Variants in TRMT6 observed in about 807,000 individuals in gnomAD.
TRMT6 encodes the protein tRNA (adenine(58)-N(1))-methyltransferase non-catalytic subunit TRM6.
A neutral mutation model predicts 59.0 loss-of-function variants in TRMT6; 34 were observed. The observed-to-expected ratio is 0.58, with a 90% CI of 0.44 to 0.77. The LOEUF (loss-of-function observed/expected upper bound fraction) is 0.77. TRMT6 is among the 30% of genes least tolerant of loss of function. The probability of loss-of-function intolerance (pLI) is 0.00; values close to 1 mark genes in which losing one functional copy is unlikely to be tolerated. For missense variants in TRMT6, 575 were observed against 604.5 expected (o/e 0.95, Z 0.51); for synonymous variants, 217 against 210.5 (o/e 1.03, Z -0.27).
Position 5,944,215 on chromosome 20 carries a change from G to C in TRMT6, c.405C>G (p.Phe135Leu), listed in dbSNP as rs1243183894. The C allele has an allele frequency of 6.4e-7, 1 of 1,569,710 alleles. No individual in the cohort carries two copies. Among genetic ancestry groups the C allele is most frequent in the African/African-American group, 1.4e-5 (1 of 73,236 alleles). The part of the protein sequence containing the change: ...VQQLIENSTT[F>L]RDKTEFAQDK... The stretch of plus-strand genomic sequence containing the variant: ...CTTGGGCAAATTCTGTCTTGTCTCG[G>C]AATGTTGTACTATTTTCAATTAACT... The change falls in exon 4 of 11, where the codon TTC becomes TTG. Residue 135 changes from phenylalanine (F) to leucine (L), a missense_variant. Physicochemically the swap from Phe to Leu is conservative, Grantham distance 22 (BLOSUM62 0). Coordinates refer to ENST00000203001, the MANE Select transcript of TRMT6 (RefSeq NM_015939.5).
chr20:5,938,717 C>G lies in TRMT6; in HGVS notation c.1312G>C (p.Asp438His), dbSNP rs2088629864. ...ATCAGCAGTTTAGGATGACTTCGAT[C>G]TGGCAAAACCTAATCAAGACAGAAA... ...TWLRNYQVLP[D>H]RSHPKLLMSG... is the part of the protein sequence containing the mutation. The change falls in exon 11 of 11, where the codon GAT becomes CAT. Residue 438 changes from aspartate to histidine, a missense_variant. Physicochemically the swap from Asp to His is moderately conservative, Grantham distance 81. Coordinates refer to ENST00000203001, the MANE Select transcript of TRMT6 (RefSeq NM_015939.5). 1 of 1,613,864 alleles carries G rather than the reference C, an allele frequency of 6.2e-7. No individual in the cohort carries two copies. The highest frequency in any genetic ancestry group is 8.5e-7 in the Non-Finnish European group (1 of 1,179,936).
intron 3 of TRMT6, 79 bp from the exon 4 acceptor site, chr20:5,944,332 G>T: frequency 1.2e-6 from 1 of 826,262 alleles, no homozygotes; most frequent in Non-Finnish European, 1.9e-6. Context: ...TCTTACCCAA[G>T]AATGGATCCA....
chr20:5,943,037 C>A (rs960657556), intron 6 of TRMT6, among the ~76,000 whole-genome samples: 8 of 152,150 alleles, frequency 5.3e-5, no homozygotes, highest in African/African-American at 1.9e-4. Flanking sequence ...TATTGTAAAA[C>A]CCTGTGTCTG....
intron 7 of TRMT6, 60 bp from the exon 8 acceptor site, chr20:5,942,096 T>C (rs2088661551): frequency 7.3e-7 from 1 of 1,364,434 alleles, no homozygotes; most frequent in Non-Finnish European, 1.0e-6. Flanking sequence ...TTTATGGAAA[T>C]GCTCTGGCCT....
At chr20:5,942,400 G>T (rs760186812) in intron 7 of TRMT6, 28 bp downstream of exon 7, 1 of 1,578,630 alleles carries the variant, frequency 6.3e-7, no homozygotes, top group Admixed American at 1.7e-5. Context: ...GAGATTATGG[G>T]GGTGGTGGGG....
intron 1 of TRMT6, among the ~76,000 whole-genome samples, chr20:5,947,820 C>T (rs747023860): frequency 6.6e-6 from 1 of 152,052 alleles, no homozygotes; most frequent in Admixed American, 6.6e-5. Context: ...CTGTGGGAGG[C>T]CAGGTGGGTC....
rs750607686 is a variant in TRMT6 at position 5,950,335 on chromosome 20, T to A, written c.71A>T (p.Asp24Val). Residue 24 changes from aspartate (D) to valine (V), a missense_variant, in exon 1 of 11, where the codon GAC becomes GTC. By Grantham distance (152) the Asp-to-Val change is radical. Coordinates refer to ENST00000203001, the MANE Select transcript of TRMT6 (RefSeq NM_015939.5). ...HPGDHRIRDG[D>V]FVVLKREDVF... ...ATCTTCACGTTTCAGCACCACGAAGTCGCCGTCGCGGATGCGGTGGTCTCC... is the reference window on the plus strand; with the variant it reads ...ATCTTCACGTTTCAGCACCACGAAGACGCCGTCGCGGATGCGGTGGTCTCC... 3.0e-5 allele frequency: 48 copies of A among 1,613,356 alleles called. No individual in the cohort carries two copies. The highest frequency in any genetic ancestry group is 4.0e-5 in the Non-Finnish European group (47 of 1,179,984).
At chr20:5,948,775 C>A (rs375197492) in intron 1 of TRMT6, among the ~76,000 whole-genome samples, 1 of 152,022 alleles carries the variant, frequency 6.6e-6, no homozygotes, top group South Asian at 2.1e-4. Flanking sequence ...AAGAAACATA[C>A]CCCTCATAAA....
rs748691624 is a variant in TRMT6, at chr20:5,938,641, T to G, written c.1388A>C (p.Asn463Thr). 5 of 1,614,182 alleles carry G rather than the reference T, an allele frequency of 3.1e-6. No individual in the cohort carries two copies. In the South Asian group the frequency reaches 3.3e-5, roughly 11 times the overall value. The part of the protein sequence containing the change: ...LLSGFTVAMD[N>T]LKADTSLKSN... Reference sequence around the variant, plus strand: ...TTTGAGGCTGGTGTCTGCTTTAAGGTTGTCCATGGCAACGGTGAAGCCGGA... The same window carrying G: ...TTTGAGGCTGGTGTCTGCTTTAAGGGTGTCCATGGCAACGGTGAAGCCGGA... Residue 463 changes from asparagine to threonine, a missense_variant, in exon 11 of 11, where the codon AAC (asparagine) becomes ACC (threonine). By Grantham distance (65) the Asn-to-Thr change is moderately conservative. Coordinates refer to ENST00000203001, the MANE Select transcript of TRMT6 (RefSeq NM_015939.5).
chr20:5,944,061 TA>T, intron 4 of TRMT6, 30 bp from the exon 5 acceptor site: 5 of 1,503,802 alleles, frequency 3.3e-6, no homozygotes, highest in East Asian at 2.3e-5. Context: ...AACGCTGATT[TA>T]AAAAAATGAC....
chr20:5,945,837 G>T (rs931642427), intron 2 of TRMT6, among the ~76,000 whole-genome samples: 1 of 152,048 alleles, frequency 6.6e-6, no homozygotes, highest in Non-Finnish European at 1.5e-5. Flanking sequence ...AATAATAATA[G>T]TAATAGCTAA....
At chr20:5,940,532 G>A (rs995585791) in intron 10 of TRMT6, among the ~76,000 whole-genome samples, 3 of 152,170 alleles carry the variant, frequency 2.0e-5, no homozygotes, top group East Asian at 1.9e-4. Flanking sequence ...AGAAAAAAAG[G>A]GTCACAAAAA....
chr20:5,939,363 G>T (rs2088636193), intron 10 of TRMT6, among the ~76,000 whole-genome samples: 1 of 151,652 alleles, frequency 6.6e-6, no homozygotes, highest in South Asian at 2.1e-4. Flanking sequence ...CAGCTGTAAT[G>T]CCAGCTACTC....
Position 5,941,024 on chromosome 20 carries a change from C to G in TRMT6, c.1302+29G>C, listed in dbSNP as rs1555783043. The G allele has an allele frequency of 3.2e-6, 5 of 1,574,488 alleles. No homozygotes were observed. In the South Asian group the frequency reaches 5.5e-5, roughly 17 times the overall value. Reference sequence around the variant, plus strand: ...GGAAAGTCAAGTCTCGGGAGGGCAGCTCTTGGGACTGGCTGTAAGAACACG... The same window carrying G: ...GGAAAGTCAAGTCTCGGGAGGGCAGGTCTTGGGACTGGCTGTAAGAACACG... On this transcript the variant is annotated intron_variant, in intron 10 of 10. Transcript: ENST00000203001.
At chr20:5,948,122 AAAAC>A (rs1398919724) in intron 1 of TRMT6, among the ~76,000 whole-genome samples, 3 of 152,172 alleles carry the variant, frequency 2.0e-5, no homozygotes, top group African/African-American at 2.4e-5. Context: ...CCCGTCTCAC[AAAAC>A]AAACAAACAG....
chr20:5,942,170 G>A (rs1259148173), intron 7 of TRMT6, 134 bp from the exon 8 acceptor site: 12 of 855,352 alleles, frequency 1.4e-5, no homozygotes, highest in African/African-American at 5.1e-5. Flanking sequence ...TTGTTTATAA[G>A]GAAGTTGCAA....
chr20:5,943,524 G>A, intron 6 of TRMT6, 35 bp downstream of exon 6: 1 of 1,612,510 alleles, frequency 6.2e-7, no homozygotes, highest in Non-Finnish European at 8.5e-7. Flanking sequence ...ACATCAGGGT[G>A]GGGTTTTGTT....
Position 5,943,666 on chromosome 20 carries a change from G to T in TRMT6, c.560C>A (p.Thr187Lys), listed in dbSNP as rs145953785. The change falls in exon 6 of 11, where the codon ACA becomes AAA. Residue 187 changes from threonine to lysine, a missense_variant. Thr to Lys is a moderately conservative substitution (Grantham distance 78). Transcript: ENST00000203001. ...PGKINHMRYD[T>K]LAQMLTLGNI... The stretch of plus-strand genomic sequence containing the variant: ...TCCCAACGTCAACATCTGGGCTAGT[G>T]TATCGTATCTCATGTGGCTAAAGTA... 1.2e-6 allele frequency: 2 copies of T among 1,614,116 alleles called. No homozygotes were observed. Among genetic ancestry groups the T allele is most frequent in the Non-Finnish European group, 8.5e-7 (1 of 1,180,014 alleles).
rs761330105 is a variant in TRMT6, at chr20:5,942,628, A to G, written c.826T>C (p.Ser276Pro). The change falls in exon 7 of 11, where the codon TCT (serine) becomes CCT (proline). Residue 276 changes from serine (S) to proline (P), a missense_variant. By Grantham distance (74) the Ser-to-Pro change is moderately conservative. Transcript: ENST00000203001. Reference sequence around the variant, plus strand: ...AAAGCACTGTCTTTTGGCTCTGAAGATAACATCTTGGCAGAAAATGTTCCA... The same window carrying G: ...AAAGCACTGTCTTTTGGCTCTGAAGGTAACATCTTGGCAGAAAATGTTCCA... ...LHGTFSAKMLSSEPKDSALVE... is the reference protein window; with the variant it reads ...LHGTFSAKMLPSEPKDSALVE... 8.7e-6 allele frequency: 14 copies of G among 1,614,096 alleles called. No homozygotes were observed. Among genetic ancestry groups the G allele is most frequent in the African/African-American group, 1.3e-5 (1 of 74,940 alleles).
Sources: gnomAD v4.1 joint callset for allele counts (sites outside exome capture counted in the v4.1 genomes callset) on GRCh38, gnomAD v4.1.1 for gene constraint, MANE v1.5 for transcripts, NCBI Gene and HGNC (gene_info 2026-07-23, HGNC 2026-07-21) for gene names.